FLRT2: variants seen among roughly 807,000 people sequenced by gnomAD.
FLRT2 encodes fibronectin leucine rich transmembrane protein 2.
Under a neutral mutation model 40.0 loss-of-function variants are expected in FLRT2, and 15 were observed. The ratio of observed to expected loss-of-function variants is 0.38; its 90% CI spans 0.25 to 0.58. The LOEUF (loss-of-function observed/expected upper bound fraction) is 0.58, where lower values mean the gene tolerates loss of function less well. Among genes scored for constraint, FLRT2 ranks in the 20% least tolerant of loss-of-function variants. FLRT2 has a pLI of 0.71. For missense variants in FLRT2, 726 were observed against 840.0 expected, an observed-to-expected ratio of 0.86 and a Z score of 1.68; for synonymous variants, 380 against 336.8, an observed-to-expected ratio of 1.13 and a Z score of -1.41.
intron 1 of FLRT2, among the ~76,000 whole-genome samples, chr14:85,594,971 T>G (rs1475090313): frequency 2.0e-5 from 3 of 152,180 alleles, no homozygotes; most frequent in Non-Finnish European, 4.4e-5. Context: ...ATACATTTAC[T>G]TAAGTAAATG....
At chr14:85,544,619 A>T (rs187784314) in intron 1 of FLRT2, among the ~76,000 whole-genome samples, 1 of 152,298 alleles carries the variant, frequency 6.6e-6, no homozygotes, top group East Asian at 1.9e-4. Context: ...TTGGCTCCAC[A>T]AAATAGGATC....
In FLRT2 at chr14:85,607,468, T is replaced by C. The variant is rs183524529; in HGVS notation, c.-376-13671T>C. Among the ~76,000 whole-genome samples, 3 of 152,316 alleles carry C rather than the reference T, an allele frequency of 2.0e-5. No homozygotes were observed. In the East Asian group the frequency reaches 5.8e-4, roughly 29 times the overall value. Reference sequence around the variant, plus strand: ...ATTGAAGATTCAAAGTCATTATTCATTGAACAGAAAAGTAGGGAGTCAGTG... The same window carrying C: ...ATTGAAGATTCAAAGTCATTATTCACTGAACAGAAAAGTAGGGAGTCAGTG... On this transcript the variant is annotated intron_variant, in intron 1 of 1. Transcript: ENST00000330753.
intron 1 of FLRT2, among the ~76,000 whole-genome samples, chr14:85,555,557 A>G (rs1177118761): frequency 6.6e-6 from 1 of 152,020 alleles, no homozygotes; most frequent in Non-Finnish European, 1.5e-5. Context: ...CCACCCCATG[A>G]TTCAATTATC....
At chr14:85,569,044 A>G (rs760516330) in intron 1 of FLRT2, among the ~76,000 whole-genome samples, 8 of 152,174 alleles carry the variant, frequency 5.3e-5, no homozygotes, top group Non-Finnish European at 1.0e-4. Context: ...ACATAGTAGC[A>G]GTTTCCTAGT....
In FLRT2 at chr14:85,638,019, C is replaced by A. The variant is rs897648096; in HGVS notation, c.*14522C>A. The stretch of plus-strand genomic sequence containing the variant: ...ATCACTACAAAATGTATACACATTA[C>A]CTAGATTTTCAAGAAGTGAAATGTT... On this transcript the variant is annotated 3_prime_UTR_variant, in exon 2 of 2. Transcript: ENST00000330753. 1 of 152,184 alleles carries A rather than the reference C, an allele frequency of 6.6e-6. No individual in the cohort carries two copies. Among genetic ancestry groups the A allele is most frequent in the African/African-American group, 2.4e-5 (1 of 41,526 alleles). 9.4% of individuals were successfully genotyped at this position (152,184 alleles called of 1,614,324 possible).
At position 85,645,414 on chromosome 14, in the gene FLRT2, T is replaced by A. The variant is rs1894273909; in HGVS notation, c.*21917T>A. 1 of 151,984 alleles carries A rather than the reference T, an allele frequency of 6.6e-6. No homozygotes were observed. The highest frequency in any genetic ancestry group is 1.5e-5 in the Non-Finnish European group (1 of 68,016). 9.4% of individuals were successfully genotyped at this position (151,984 alleles called of 1,614,324 possible). ...CCCACATAAATTCATCCTACTTAAT[T>A]GGCACTTTTTCTTCAACCCATACCT... On this transcript the variant is annotated 3_prime_UTR_variant, in exon 2 of 2. Transcript: ENST00000330753.
At chr14:85,557,988 T>C (rs1386789363) in intron 1 of FLRT2, among the ~76,000 whole-genome samples, 2 of 152,240 alleles carry the variant, frequency 1.3e-5, no homozygotes, top group Admixed American at 6.5e-5. Flanking sequence ...TAGACTTCTG[T>C]GGAAAGCATC....
intron 1 of FLRT2, among the ~76,000 whole-genome samples, chr14:85,568,582 C>T (rs1890740943): frequency 6.6e-6 from 1 of 152,154 alleles, no homozygotes; most frequent in Non-Finnish European, 1.5e-5. Context: ...GGTGTTTGGG[C>T]TTCAAATCCA....
chr14:85,556,521 G>A (rs374652659), intron 1 of FLRT2, among the ~76,000 whole-genome samples: 5 of 152,182 alleles, frequency 3.3e-5, no homozygotes, highest in East Asian at 1.9e-4. Flanking sequence ...TCTGCAGGGC[G>A]CACCTATGCC....
intron 1 of FLRT2, among the ~76,000 whole-genome samples, chr14:85,577,940 C>G (rs1053271037): frequency 6.6e-6 from 1 of 151,528 alleles, no homozygotes; most frequent in Admixed American, 6.6e-5. Flanking sequence ...AGGTCGTGAG[C>G]AGACTTTGGC....
chr14:85,606,916 C>T (rs908425022), intron 1 of FLRT2, among the ~76,000 whole-genome samples: 14 of 151,544 alleles, frequency 9.2e-5, no homozygotes, highest in African/African-American at 2.9e-4. Flanking sequence ...CACCCCCTGC[C>T]ACCATCCGAA....
Position 85,602,895 on chromosome 14 carries a change from G to A in FLRT2, c.-376-18244G>A, listed in dbSNP as rs78407586. The stretch of plus-strand genomic sequence containing the variant: ...ATGATTACCTCTGTTTTAGGGTTTC[G>A]GGTTTTTTTGCTTTGTTTTGTTTTG... On this transcript the variant is annotated intron_variant, in intron 1 of 1. Coordinates refer to ENST00000330753, the MANE Select transcript of FLRT2 (RefSeq NM_013231.6). Among the ~76,000 whole-genome samples the A allele has an allele frequency of 6.8e-3, 1,035 of 152,170 alleles. 15 individuals carry two copies. The highest frequency in any genetic ancestry group is 0.024 in the African/African-American group (980 of 41,504).
At chr14:85,536,381 G>A (rs1350135498) in intron 1 of FLRT2, among the ~76,000 whole-genome samples, 1 of 152,086 alleles carries the variant, frequency 6.6e-6, no homozygotes, top group East Asian at 1.9e-4. Context: ...GGGATCTGAA[G>A]CGTCTGAAGT....
chr14:85,625,226 A>T lies in FLRT2; in HGVS notation c.*1729A>T, dbSNP rs1021241224. 1 of 166,956 alleles carries T rather than the reference A, an allele frequency of 6.0e-6. No individual in the cohort carries two copies. Among genetic ancestry groups the T allele is most frequent in the Non-Finnish European group, 1.5e-5 (1 of 68,102 alleles). The allele number at this position is 166,956 out of a possible 1,614,324, so 10.3% of individuals were successfully genotyped here. A position where few individuals can be genotyped will look rare whatever the true frequency, so the allele number is the denominator to read the frequency against. ...TTCGAAAATCAAATTTAAACATTTCACTCTGTGCTGCATATTTCTTTTACC... is the reference window on the plus strand; with the variant it reads ...TTCGAAAATCAAATTTAAACATTTCTCTCTGTGCTGCATATTTCTTTTACC... On this transcript the variant is annotated 3_prime_UTR_variant, in exon 2 of 2. Transcript: ENST00000330753.
chr14:85,560,779 T>C (rs1325675961), intron 1 of FLRT2: 7 of 151,676 alleles, frequency 4.6e-5, no homozygotes, highest in African/African-American at 1.7e-4. Context: ...TATGCCAGTA[T>C]GGCTAGCCTG....
intron 1 of FLRT2, among the ~76,000 whole-genome samples, chr14:85,610,364 A>G (rs1474144274): frequency 6.6e-6 from 1 of 152,100 alleles, no homozygotes; most frequent in Non-Finnish European, 1.5e-5. Context: ...GTTCTACTTC[A>G]TCATTACTTC....
rs1894360831 is a variant in FLRT2 at position 85,648,492 on chromosome 14, G to A, written c.*24995G>A. 6.6e-6 allele frequency: 1 copy of A among 152,164 alleles called. No homozygotes were observed. The highest frequency in any genetic ancestry group is 2.4e-5 in the African/African-American group (1 of 41,458). 9.4% of individuals were successfully genotyped at this position (152,164 alleles called of 1,614,324 possible). On this transcript the variant is annotated 3_prime_UTR_variant, in exon 2 of 2. Transcript: ENST00000330753. Reference sequence around the variant, plus strand: ...AAGTTTGCTAAGACATGAGTGTCAAGGGAAGTTGAGGTGGAGATGGTGGCT... The same window carrying A: ...AAGTTTGCTAAGACATGAGTGTCAAAGGAAGTTGAGGTGGAGATGGTGGCT...
intron 1 of FLRT2, among the ~76,000 whole-genome samples, chr14:85,592,566 A>T (rs1329653225): frequency 6.6e-6 from 1 of 152,102 alleles, no homozygotes; most frequent in Non-Finnish European, 1.5e-5. Flanking sequence ...AGGTGAGCAG[A>T]TCACCTGAGG....
At chr14:85,599,374 T>C (rs1009117608) in intron 1 of FLRT2, among the ~76,000 whole-genome samples, 2 of 152,134 alleles carry the variant, frequency 1.3e-5, no homozygotes, top group Non-Finnish European at 2.9e-5. Context: ...AGAACAATCT[T>C]ATAAGTAGGG....
Sources: allele counts gnomAD v4.1 joint callset (sites outside exome capture counted in the v4.1 genomes callset), GRCh38; gene constraint gnomAD v4.1.1; transcripts MANE v1.5; gene names NCBI Gene and HGNC (gene_info 2026-07-23, HGNC 2026-07-21).